Variants in SCN7A observed in about 807,000 individuals in gnomAD.
SCN7A encodes the protein sodium channel protein type 7 subunit alpha.
A neutral mutation model predicts 155.2 loss-of-function variants in SCN7A; 138 were observed. That is an observed-to-expected ratio of 0.89 (90% CI 0.77 to 1.02). The LOEUF (loss-of-function observed/expected upper bound fraction) is 1.02. Among genes scored for constraint, SCN7A ranks in the 50% least tolerant of loss-of-function variants. SCN7A has a pLI of 0.00. For missense variants in SCN7A, 2,058 were observed against 1,986.6 expected, an observed-to-expected ratio of 1.04 and a Z score of -0.68; for synonymous variants, 693 against 649.0, an observed-to-expected ratio of 1.07 and a Z score of -1.03.
chr2:166,444,412 CT>C (rs2105439409), intron 13 of SCN7A, among the ~76,000 whole-genome samples: 1 of 152,236 alleles, frequency 6.6e-6, no homozygotes, highest in Admixed American at 6.5e-5. Flanking sequence ...TGTTATTTCA[CT>C]TCTGCCCTAC....
chr2:166,474,460 T>C (rs1362620967), intron 3 of SCN7A, 116 bp from the exon 4 acceptor site: 1 of 380,206 alleles, frequency 2.6e-6, no homozygotes, highest in East Asian at 3.8e-5. Context: ...AGCCATACTC[T>C]TCTTTTTTTA....
At chr2:166,426,322 G>GA (rs1292904040) in intron 18 of SCN7A, among the ~76,000 whole-genome samples, 1 of 152,006 alleles carries the variant, frequency 6.6e-6, no homozygotes, top group African/African-American at 2.4e-5. Flanking sequence ...CTGTGATGGA[G>GA]AAAGGCGTAG....
chr2:166,443,815 T>C, intron 13 of SCN7A, 139 bp from the exon 14 acceptor site: 1 of 633,850 alleles, frequency 1.6e-6, no homozygotes. Context: ...ATCTGGTTAG[T>C]TGTAGAGTCT....
At chr2:166,438,720 T>C (rs1004967630) in intron 15 of SCN7A, among the ~76,000 whole-genome samples, 36 of 146,830 alleles carry the variant, frequency 2.5e-4, no homozygotes, top group African/African-American at 8.3e-4. Context: ...TCTCCTTACA[T>C]TTTTCCCCCT....
intron 10 of SCN7A, among the ~76,000 whole-genome samples, chr2:166,461,058 T>C (rs1000454014): frequency 1.1e-4 from 16 of 148,956 alleles, no homozygotes; most frequent in East Asian, 5.9e-4. Flanking sequence ...CTTTTTTTTT[T>C]TTTTTTTTTT....
At chr2:166,422,786 G>GGTT (rs1701537940) in intron 19 of SCN7A, among the ~76,000 whole-genome samples, 1 of 152,152 alleles carries the variant, frequency 6.6e-6, no homozygotes, top group South Asian at 2.1e-4. Flanking sequence ...CAGTTACTCT[G>GGTT]GTTGCTATGT....
intron 3 of SCN7A, among the ~76,000 whole-genome samples, chr2:166,475,104 G>GTA (rs370064873): frequency 0.017 from 1,476 of 85,872 alleles, 30 homozygotes; most frequent in African/African-American, 0.036. Flanking sequence ...ACATATATAT[G>GTA]TATATATATA....
chr2:166,474,016 AT>A (rs1429352920), intron 4 of SCN7A, 128 bp from the exon 5 acceptor site: 1 of 532,250 alleles, frequency 1.9e-6, no homozygotes, highest in East Asian at 3.2e-5. Flanking sequence ...ATATTTGTTA[AT>A]ATTTACTATT....
At chr2:166,447,312 G>C (rs779523614) in intron 12 of SCN7A, among the ~76,000 whole-genome samples, 2 of 152,048 alleles carry the variant, frequency 1.3e-5, no homozygotes, top group Non-Finnish European at 2.9e-5. Flanking sequence ...AAGTCTAGAA[G>C]GGACCTTGAG....
Position 166,434,239 on chromosome 2 carries a change from CTATT to C in SCN7A, c.2158-1491_2158-1488del, listed in dbSNP as rs551140371. On this transcript the variant is annotated intron_variant, in intron 15 of 25. Coordinates refer to ENST00000643258, the MANE Select transcript of SCN7A (RefSeq NM_002976.4). Reference sequence around the variant, plus strand: ...TTTACTTCTCTCTATCTAGATCTTCCTATTTCTTAGGAATACAGAAGGTTCAAAT... The same window carrying C: ...TTTACTTCTCTCTATCTAGATCTTCCTCTTAGGAATACAGAAGGTTCAAAT... Among the ~76,000 whole-genome samples the C allele has an allele frequency of 7.1e-4, 108 of 152,156 alleles. No homozygotes were observed. The South Asian group carries it at 9.7e-3, about 14-fold the overall frequency.
intron 3 of SCN7A, among the ~76,000 whole-genome samples, chr2:166,475,236 T>G (rs1432933140): frequency 3.4e-5 from 5 of 148,028 alleles, no homozygotes; most frequent in African/African-American, 7.4e-5. Flanking sequence ...ATGTGAATAT[T>G]TTATAGCTTA....
chr2:166,466,012 G>A (rs7593452), intron 7 of SCN7A, 25 bp from the exon 8 acceptor site: 516,964 of 1,547,646 alleles, frequency 0.33, 88,729 homozygotes, highest in Non-Finnish European at 0.36. Context: ...ATTTGTTTTC[G>A]AAATAATGTA....
At chr2:166,468,237 T>A (rs1009410609) in intron 7 of SCN7A, among the ~76,000 whole-genome samples, 1 of 152,188 alleles carries the variant, frequency 6.6e-6, no homozygotes, top group Non-Finnish European at 1.5e-5. Context: ...TCATGATTTA[T>A]AGAAAGGATA....
rs1553513525 is a variant in SCN7A, at chr2:166,413,981, G to GTGTATATATATATATATATA, written c.3415-861_3415-860insTATATATATATATATATACA. On this transcript the variant is annotated intron_variant, in intron 21 of 25. Transcript: ENST00000643258. ...CCCCTTTATATATATATGTGTATGT[G>GTGTATATATATATATATATA]TATATATATATATATATATATAAAT... Among the ~76,000 whole-genome samples, 100 of 53,488 alleles carry GTGTATATATATATATATATA rather than the reference G, an allele frequency of 1.9e-3. 2 individuals carry two copies. Among genetic ancestry groups the GTGTATATATATATATATATA allele is most frequent in the African/African-American group, 4.9e-3 (66 of 13,572 alleles). 35.1% of individuals were successfully genotyped at this position (53,488 alleles called of 152,430 possible).
Position 166,416,696 on chromosome 2 carries a change from A to T in SCN7A, c.3414+11T>A, listed in dbSNP as rs1011870502. On this transcript the variant is annotated intron_variant, in intron 21 of 25. Transcript: ENST00000643258. ...ATATAATTAATAAGGAAAAGTCAAA[A>T]GTGTACTTACTACTTGAAGCAGAGA... 9.5e-6 allele frequency: 15 copies of T among 1,587,158 alleles called. No homozygotes were observed. The highest frequency in any genetic ancestry group is 1.3e-5 in the Non-Finnish European group (15 of 1,166,750).
intron 16 of SCN7A, among the ~76,000 whole-genome samples, chr2:166,430,382 T>C (rs878940420): frequency 1.3e-5 from 2 of 152,032 alleles, no homozygotes; most frequent in Admixed American, 6.6e-5. Context: ...ATTACTTTTA[T>C]ATATTCTTTA....
chr2:166,406,694 A>T (rs36024626), intron 25 of SCN7A, 48 bp from the exon 26 acceptor site: 110,800 of 1,234,916 alleles, frequency 0.09, 5,753 homozygotes, highest in Middle Eastern at 0.17. Flanking sequence ...CAAACACAAT[A>T]GTATTTTGAG....
Position 166,459,493 on chromosome 2 carries a change from A to G in SCN7A, c.1084-2417T>C, listed in dbSNP as rs114318828. Among the ~76,000 whole-genome samples the G allele has an allele frequency of 8.2e-3, 1,245 of 152,304 alleles. 21 individuals are homozygous for G. Among genetic ancestry groups the G allele is most frequent in the African/African-American group, 0.028 (1,161 of 41,560 alleles). On this transcript the variant is annotated intron_variant, in intron 10 of 25. Transcript: ENST00000643258. Reference sequence around the variant, plus strand: ...TTTTGTTCATTTCTGTACCCACAGTATATCAGAATACTTGGATAAAATAAA... The same window carrying G: ...TTTTGTTCATTTCTGTACCCACAGTGTATCAGAATACTTGGATAAAATAAA...
intron 19 of SCN7A, among the ~76,000 whole-genome samples, chr2:166,422,271 A>G (rs1029737815): frequency 1.3e-5 from 2 of 152,182 alleles, no homozygotes; most frequent in East Asian, 3.8e-4. Context: ...TGTTCTAGGC[A>G]CATGACTTAA....
Sources: gnomAD v4.1 joint callset for allele counts (sites outside exome capture counted in the v4.1 genomes callset) on GRCh38, gnomAD v4.1.1 for gene constraint, MANE v1.5 for transcripts, NCBI Gene and HGNC (gene_info 2026-07-23, HGNC 2026-07-21) for gene names.